The following SCFD2 variants were observed in gnomAD, a reference collection of about 807,000 sequenced individuals.
SCFD2 encodes sec1 family domain containing 2, also known as sec1 family domain-containing protein 2.
SCFD2 carries 54 observed loss-of-function variants against 58.9 expected under a neutral mutation model. The observed-to-expected ratio is 0.92, with a 90% CI of 0.74 to 1.15. The LOEUF is 1.15. Ranked by LOEUF, SCFD2 falls within the 50% of genes most tolerant of loss-of-function variation. SCFD2 has a pLI of 0.00. For synonymous variants in SCFD2, 321 were observed against 335.9 expected, an observed-to-expected ratio of 0.96 and a Z score of 0.49; for missense variants, 805 against 836.6, an observed-to-expected ratio of 0.96 and a Z score of 0.47.
chr4:53,312,764 C>T (rs1732729260), intron 3 of SCFD2, among the ~76,000 whole-genome samples: 1 of 151,998 alleles, frequency 6.6e-6, no homozygotes, highest in Non-Finnish European at 1.5e-5. Context: ...TTTTCCCATC[C>T]AATAAAATGT....
At chr4:52,885,909 T>C (rs758113268) in intron 7 of SCFD2, 43 bp from the exon 8 acceptor site, 7 of 1,611,522 alleles carry the variant, frequency 4.3e-6, no homozygotes, top group African/African-American at 2.7e-5. Flanking sequence ...ATGGCAGTGA[T>C]GCAGGCACAA....
chr4:52,897,550 T>G (rs1719055543), intron 7 of SCFD2, among the ~76,000 whole-genome samples: 1 of 152,200 alleles, frequency 6.6e-6, no homozygotes, highest in South Asian at 2.1e-4. Context: ...GTTGCTGGAT[T>G]TGGTTTGCTA....
chr4:53,036,054 TTTTA>T (rs1489483616), intron 5 of SCFD2, among the ~76,000 whole-genome samples: 5 of 152,154 alleles, frequency 3.3e-5, no homozygotes, highest in Admixed American at 6.5e-5. Flanking sequence ...TTTTATTTTA[TTTTA>T]TTTATTTTAT....
At chr4:53,327,974 C>T (rs965747814) in intron 2 of SCFD2, among the ~76,000 whole-genome samples, 5 of 151,110 alleles carry the variant, frequency 3.3e-5, no homozygotes, top group African/African-American at 7.3e-5. Context: ...ACTAAAAATA[C>T]AAAAAAAAGA....
intron 6 of SCFD2, among the ~76,000 whole-genome samples, chr4:52,910,065 C>T (rs1038051632): frequency 6.6e-6 from 1 of 152,154 alleles, no homozygotes. Flanking sequence ...AATAATTGAC[C>T]TCTTCCTTGG....
chr4:53,242,111 C>T (rs534234412), intron 4 of SCFD2, among the ~76,000 whole-genome samples: 2 of 152,360 alleles, frequency 1.3e-5, no homozygotes, highest in East Asian at 1.9e-4. Flanking sequence ...AGCATCCTGC[C>T]GCAGCTGACA....
chr4:53,074,543 A>G (rs1198871969), intron 5 of SCFD2, among the ~76,000 whole-genome samples: 1 of 152,198 alleles, frequency 6.6e-6, no homozygotes, highest in Non-Finnish European at 1.5e-5. Context: ...TCTGGGAGCT[A>G]TAGCCTTAAA....
intron 4 of SCFD2, among the ~76,000 whole-genome samples, chr4:53,247,028 T>C (rs1207904975): frequency 7.1e-6 from 1 of 140,876 alleles, no homozygotes; most frequent in Admixed American, 7.0e-5. Flanking sequence ...AACAACACCA[T>C]TAAAAATTAA....
At chr4:52,955,956 G>A (rs1202324193) in intron 5 of SCFD2, 1 of 423,070 alleles carries the variant, frequency 2.4e-6, no homozygotes, top group South Asian at 1.7e-5. Context: ...ACATTAACCT[G>A]GTGTCCCACA....
chr4:53,354,739 A>G (rs186854617), intron 1 of SCFD2, among the ~76,000 whole-genome samples: 5 of 152,300 alleles, frequency 3.3e-5, no homozygotes, highest in Admixed American at 6.5e-5. Context: ...ATAAGATGAT[A>G]CTATCCTGAA....
At chr4:53,144,896 C>G (rs941810026) in intron 5 of SCFD2, among the ~76,000 whole-genome samples, 9 of 152,136 alleles carry the variant, frequency 5.9e-5, no homozygotes, top group African/African-American at 2.2e-4. Context: ...GACAGGTACC[C>G]GTCCATGGCC....
rs565371819 is a variant in SCFD2 at position 53,120,449 on chromosome 4, C to A, written c.1561+24884G>T. The stretch of plus-strand genomic sequence containing the variant: ...GCCACATGATGAACAAATAGTAGAA[C>A]AAAGATTCAAACCCTGTCAATCTAT... On this transcript the variant is annotated intron_variant, in intron 5 of 8. Transcript: ENST00000401642. Among the ~76,000 whole-genome samples the A allele has an allele frequency of 2.6e-5, 4 of 152,242 alleles. No homozygotes were observed. In the East Asian group the frequency reaches 7.7e-4, roughly 29 times the overall value.
chr4:53,037,130 T>G (rs569555173), intron 5 of SCFD2, among the ~76,000 whole-genome samples: 1 of 152,178 alleles, frequency 6.6e-6, no homozygotes, highest in Non-Finnish European at 1.5e-5. Flanking sequence ...TAACACCTTA[T>G]GTAAATGTCT....
At chr4:53,278,934 C>CCATA (rs1731425632) in intron 3 of SCFD2, among the ~76,000 whole-genome samples, 1 of 145,856 alleles carries the variant, frequency 6.9e-6, no homozygotes, top group African/African-American at 2.5e-5. Flanking sequence ...TTAAATTTAA[C>CCATA]CATAACCTTA....
Position 52,920,736 on chromosome 4 carries a change from G to A in SCFD2, c.1696C>T (p.His566Tyr), listed in dbSNP as rs188041296. ...QFKSVYVPGN[H>Y]THQASYKPLL... ...ACGTATATACTTGCCTGGTGGGTAT[G>A]ATTTCCAGGAACATATACAGACTTA... Residue 566 changes from histidine to tyrosine, a missense_variant, in exon 6 of 9, where the codon CAT (histidine) becomes TAT (tyrosine). Physicochemically the swap from His to Tyr is moderately conservative, Grantham distance 83. This residue lies in a region of SCFD2 where 633 missense variants were observed against 646.8 expected (regional missense o/e 0.98). Transcript: ENST00000401642. 1.9e-6 allele frequency: 3 copies of A among 1,602,052 alleles called. No homozygotes were observed. The highest frequency in any genetic ancestry group is 2.6e-6 in the Non-Finnish European group (3 of 1,173,756).
chr4:52,982,010 G>A (rs1011540595), intron 5 of SCFD2, among the ~76,000 whole-genome samples: 3 of 152,154 alleles, frequency 2.0e-5, no homozygotes, highest in Non-Finnish European at 4.4e-5. Context: ...AGAATCAAGA[G>A]GACTTACGGA....
chr4:53,172,317 A>G (rs1471220314), intron 4 of SCFD2, among the ~76,000 whole-genome samples: 2 of 151,784 alleles, frequency 1.3e-5, no homozygotes, highest in Non-Finnish European at 2.9e-5. Context: ...CATTGATTTT[A>G]TTGCTTGTTT....
At chr4:52,992,929 C>G (rs907242183) in intron 5 of SCFD2, among the ~76,000 whole-genome samples, 1 of 152,016 alleles carries the variant, frequency 6.6e-6, no homozygotes, top group Non-Finnish European at 1.5e-5. Flanking sequence ...GCCATGATGA[C>G]GATGGCGGTT....
intron 4 of SCFD2, among the ~76,000 whole-genome samples, chr4:53,220,584 CAA>C (rs33953693): frequency 0.21 from 31,581 of 152,066 alleles, 3,675 homozygotes; most frequent in Non-Finnish European, 0.28. Context: ...TTCAGTTACT[CAA>C]AGACCATACA....
Sources: gnomAD v4.1 joint callset for allele counts (sites outside exome capture counted in the v4.1 genomes callset) on GRCh38, gnomAD v4.1.1 for gene constraint, gnomAD v4.1.1 regional missense constraint, MANE v1.5 for transcripts, NCBI Gene and HGNC (gene_info 2026-07-23, HGNC 2026-07-21) for gene names.